The following OR52N4 variants were observed in gnomAD, a reference collection of about 807,000 sequenced individuals.
OR52N4 encodes olfactory receptor 52N4.
In OR52N4, 15 loss-of-function variants were observed where a neutral mutation model predicts 15.0. That is an observed-to-expected ratio of 1.00 (90% CI 0.67 to 1.54). The LOEUF (loss-of-function observed/expected upper bound fraction) is 1.54, where lower values mean the gene tolerates loss of function less well. OR52N4 is among the 40% of genes most tolerant of loss of function. The probability of loss-of-function intolerance (pLI) is 0.00; values close to 1 mark genes in which losing one functional copy is unlikely to be tolerated. For missense variants in OR52N4, 421 were observed against 394.0 expected (o/e 1.07, Z -0.58); for synonymous variants, 143 against 143.7 (o/e 1.00, Z 0.03).
At chr11:5,738,573 A>T in the OR52N4 span, 1 of 151,368 alleles carries the variant, frequency 6.6e-6, no homozygotes, top group East Asian at 1.9e-4. Context: ...TGACTGACTC[A>T]CTGGCTTTAT....
chr11:5,744,874 T>C, the OR52N4 span, among the ~76,000 whole-genome samples: 2 of 152,156 alleles, frequency 1.3e-5, no homozygotes, highest in Non-Finnish European at 1.5e-5. Context: ...TGAGCCAAGA[T>C]TGTGCCACTG....
chr11:5,736,350 T>C, the OR52N4 span: 8 of 632,336 alleles, frequency 1.3e-5, no homozygotes, highest in East Asian at 2.1e-4. Context: ...TCAAGTCAAG[T>C]AACACTGAGA....
At chr11:5,749,100 C>G in the OR52N4 span, among the ~76,000 whole-genome samples, 1 of 150,606 alleles carries the variant, frequency 6.6e-6, no homozygotes, top group African/African-American at 2.4e-5. Flanking sequence ...AATTTATAGG[C>G]TGATAGCTGT....
At chr11:5,743,339 A>G in the OR52N4 span, among the ~76,000 whole-genome samples, 1 of 152,160 alleles carries the variant, frequency 6.6e-6, no homozygotes, top group Non-Finnish European at 1.5e-5. Flanking sequence ...TGGCAAAAAA[A>G]TCAACCAAAA....
At chr11:5,727,856 G>A in the OR52N4 span, among the ~76,000 whole-genome samples, 1 of 152,174 alleles carries the variant, frequency 6.6e-6, no homozygotes, top group Non-Finnish European at 1.5e-5. Context: ...CCAGCTGCAA[G>A]AATCAGAAGA....
chr11:5,743,394 G>A, the OR52N4 span, among the ~76,000 whole-genome samples: 1 of 152,086 alleles, frequency 6.6e-6, no homozygotes, highest in Non-Finnish European at 1.5e-5. Context: ...ATGCTAAACA[G>A]ACATATACAG....
the OR52N4 span, among the ~76,000 whole-genome samples, chr11:5,745,331 A>C: frequency 6.6e-6 from 1 of 152,342 alleles, no homozygotes; most frequent in East Asian, 1.9e-4. Flanking sequence ...CTAGACTTGA[A>C]AAGTGACATC....
upstream of OR52N4, among the ~76,000 whole-genome samples, chr11:5,749,619 A>C (rs1167763475): frequency 6.6e-6 from 1 of 151,882 alleles, no homozygotes; most frequent in Non-Finnish European, 1.5e-5. Context: ...ACCATAGTCT[A>C]ATTTTCCTTG....
At chr11:5,753,655 T>C (rs567367602), upstream of OR52N4, among the ~76,000 whole-genome samples, 1 of 152,218 alleles carries the variant, frequency 6.6e-6, no homozygotes, top group African/African-American at 2.4e-5. Flanking sequence ...TATATATTTA[T>C]GGGTGTATGA....
upstream of OR52N4, chr11:5,754,177 TTGAG>T (rs1413856603): frequency 6.6e-6 from 1 of 152,046 alleles, no homozygotes; most frequent in African/African-American, 2.4e-5. Context: ...CCAAGCTTCA[TTGAG>T]TAATAATTTA....
At chr11:5,731,905 A>G in the OR52N4 span, among the ~76,000 whole-genome samples, 1 of 152,142 alleles carries the variant, frequency 6.6e-6, no homozygotes, top group African/African-American at 2.4e-5. Flanking sequence ...TTTTTGATGT[A>G]TATTTTCATT....
chr11:5,755,404 A>G lies in OR52N4; in HGVS notation c.664A>G (p.Met222Val), dbSNP rs1854290394. ...ACTGTGTATCACCAACTCCTATACC[A>G]TGATTCTCCGGGCAGTGGTCAGCCT... ...DILCITNSYT[M>V]ILRAVVSLSS... is the part of the protein sequence containing the mutation. The change falls in exon 2 of 2, where the codon ATG becomes GTG. Residue 222 changes from methionine (M) to valine (V), a missense_variant. Physicochemically the swap from Met to Val is conservative, Grantham distance 21. Coordinates refer to ENST00000641350, the MANE Select transcript of OR52N4 (RefSeq NM_001005175.5). 1.2e-6 allele frequency: 2 copies of G among 1,613,982 alleles called. No individual in the cohort carries two copies. The highest frequency in any genetic ancestry group is 1.7e-6 in the Non-Finnish European group (2 of 1,179,966).
chr11:5,755,879 C>A lies in OR52N4; in HGVS notation c.*173C>A. 1.4e-6 allele frequency: 1 copy of A among 720,010 alleles called. No individual in the cohort carries two copies. Among genetic ancestry groups the A allele is most frequent in the Non-Finnish European group, 2.2e-6 (1 of 456,298 alleles). 44.6% of individuals were successfully genotyped at this position (720,010 alleles called of 1,614,324 possible). Reference sequence around the variant, plus strand: ...ATCTCAACATCATTGGAAGGCCCACCAACATTTCTATAAATTTTTTACCTT... The same window carrying A: ...ATCTCAACATCATTGGAAGGCCCACAAACATTTCTATAAATTTTTTACCTT... On this transcript the variant is annotated 3_prime_UTR_variant, in exon 2 of 2. Coordinates refer to ENST00000641350, the MANE Select transcript of OR52N4 (RefSeq NM_001005175.5).
At chr11:5,746,884 T>G in the OR52N4 span, among the ~76,000 whole-genome samples, 12 of 152,030 alleles carry the variant, frequency 7.9e-5, no homozygotes, top group African/African-American at 2.7e-4. Flanking sequence ...CTATTCATAA[T>G]AGCAAAGATA....
At chr11:5,744,682 G>A in the OR52N4 span, among the ~76,000 whole-genome samples, 1 of 124,928 alleles carries the variant, frequency 8.0e-6, no homozygotes, top group African/African-American at 2.9e-5. Flanking sequence ...GGAGGCTGAG[G>A]CGGGTGAATT....
At chr11:5,737,424 A>G in the OR52N4 span, 542 of 1,613,958 alleles carry the variant, frequency 3.4e-4, no homozygotes, top group Non-Finnish European at 4.4e-4. Flanking sequence ...TATGCACTTC[A>G]GACCAAAGAA....
chr11:5,747,886 TTAGACAACTGTATCTTA>T, the OR52N4 span, among the ~76,000 whole-genome samples: 1 of 151,882 alleles, frequency 6.6e-6, no homozygotes, highest in African/African-American at 2.4e-5. Context: ...TAAATGACAA[TTAGACAACTGTATCTTA>T]TCAACTTGGC....
the OR52N4 span, among the ~76,000 whole-genome samples, chr11:5,747,515 T>C: frequency 6.6e-6 from 1 of 151,710 alleles, no homozygotes; most frequent in African/African-American, 2.4e-5. Context: ...ACAATGTATG[T>C]GTATATATAT....
chr11:5,735,769 C>T, the OR52N4 span, among the ~76,000 whole-genome samples: 1 of 152,216 alleles, frequency 6.6e-6, no homozygotes, highest in East Asian at 1.9e-4. Context: ...ATTCCTTCAA[C>T]ATTATGGACA....
Sources: gnomAD v4.1 joint callset for allele counts (sites outside exome capture counted in the v4.1 genomes callset) on GRCh38, gnomAD v4.1.1 for gene constraint, MANE v1.5 for transcripts, NCBI Gene and HGNC (gene_info 2026-07-23, HGNC 2026-07-21) for gene names.